Variants in FGD6 observed in about 807,000 individuals in gnomAD.
FGD6 encodes the protein FYVE, RhoGEF and PH domain-containing protein 6.
In FGD6, 90 loss-of-function variants were observed where a neutral mutation model predicts 149.4. The ratio of observed to expected loss-of-function variants is 0.60; its 90% CI spans 0.51 to 0.72. The LOEUF (loss-of-function observed/expected upper bound fraction) is 0.72. FGD6 is among the 30% of genes least tolerant of loss of function. FGD6 has a pLI of 0.00. For synonymous variants in FGD6, 527 were observed against 584.0 expected (o/e 0.90, Z 1.41); for missense variants, 1,437 against 1,684.8 (o/e 0.85, Z 2.57).
chr12:95,087,570 T>A (rs1184548265), intron 18 of FGD6, among the ~76,000 whole-genome samples: 1 of 152,200 alleles, frequency 6.6e-6, no homozygotes, highest in African/African-American at 2.4e-5. Flanking sequence ...AGCCTCTAGA[T>A]GAGAACTCAG....
intron 2 of FGD6, among the ~76,000 whole-genome samples, chr12:95,206,594 G>A (rs1323548768): frequency 2.6e-5 from 4 of 152,000 alleles, no homozygotes; most frequent in Admixed American, 2.0e-4. Context: ...GGAGGCTGAA[G>A]GTGGGTGGGG....
At chr12:95,205,515 A>C (rs952497663) in intron 2 of FGD6, among the ~76,000 whole-genome samples, 1 of 152,144 alleles carries the variant, frequency 6.6e-6, no homozygotes, top group Non-Finnish European at 1.5e-5. Context: ...TCTTAAACAG[A>C]GTTCATTTTC....
At chr12:95,152,125 A>T (rs1296597649) in intron 5 of FGD6, among the ~76,000 whole-genome samples, 1 of 152,236 alleles carries the variant, frequency 6.6e-6, no homozygotes, top group South Asian at 2.1e-4. Flanking sequence ...CATGAGTTTG[A>T]GATCAGCCCG....
chr12:95,140,759 T>C (rs1408077429), intron 6 of FGD6, among the ~76,000 whole-genome samples: 2 of 152,196 alleles, frequency 1.3e-5, no homozygotes, highest in Non-Finnish European at 2.9e-5. Context: ...CTAATGTGAA[T>C]ATAGCATATA....
At chr12:95,085,454 T>C in intron 19 of FGD6, 1 of 286,392 alleles carries the variant, frequency 3.5e-6, no homozygotes, top group Non-Finnish European at 6.4e-6. Flanking sequence ...CCACCCCCAC[T>C]CAGCCTCCCA....
At chr12:95,183,760 C>T (rs1024309693) in intron 2 of FGD6, among the ~76,000 whole-genome samples, 3 of 152,134 alleles carry the variant, frequency 2.0e-5, no homozygotes, top group African/African-American at 7.2e-5. Context: ...ATGGCTTGAA[C>T]CCACAAGTTT....
intron 8 of FGD6, among the ~76,000 whole-genome samples, chr12:95,118,324 G>A (rs963014492): frequency 2.0e-5 from 3 of 148,862 alleles, no homozygotes; most frequent in Non-Finnish European, 4.4e-5. Flanking sequence ...ACTCTAGTCT[G>A]GATGACAGAG....
At chr12:95,081,980 C>A (rs1232863803) in intron 20 of FGD6, among the ~76,000 whole-genome samples, 3 of 152,030 alleles carry the variant, frequency 2.0e-5, no homozygotes, top group Non-Finnish European at 4.4e-5. Flanking sequence ...CCAGTAAGAT[C>A]TTTTCTTGCA....
Position 95,210,078 on chromosome 12 carries a change from T to A in FGD6, c.1206A>T (p.Lys402Asn), listed in dbSNP as rs750681792. The change falls in exon 2 of 21, where the codon AAA becomes AAT. Residue 402 changes from lysine to asparagine, a missense_variant. Around this residue, in one of 2 missense-constraint regions of FGD6, gnomAD observed 1,055 missense variants for 1,146.0 expected, o/e 0.92. Transcript: ENST00000343958. The stretch of plus-strand genomic sequence containing the variant: ...AGGAAGTTGTTTCATTACACATGGC[T>A]TTCTGTGAATTGACTAAGTCCTGTG... Reference protein sequence around the residue: ...SDAQDLVNSQKAMCNETTSFE... With the variant: ...SDAQDLVNSQNAMCNETTSFE... The A allele has an allele frequency of 2.5e-6, 4 of 1,614,158 alleles. No individual in the cohort carries two copies. Among genetic ancestry groups the A allele is most frequent in the Non-Finnish European group, 3.4e-6 (4 of 1,180,032 alleles).
At chr12:95,088,333 T>C (rs1394214284) in intron 18 of FGD6, among the ~76,000 whole-genome samples, 8 of 152,024 alleles carry the variant, frequency 5.3e-5, no homozygotes, top group Non-Finnish European at 7.4e-5. Flanking sequence ...TTTACCATTA[T>C]ACAACTCATC....
rs1157581152 is a variant in FGD6 at position 95,153,944 on chromosome 12, TGTGAGTGAGAGA to T, written c.2587-963_2587-952del. Reference sequence around the variant, plus strand: ...GTGTGTGTGTGTGTGTGTGTGTGTGTGTGAGTGAGAGAGAGAAGAGACAGAGAGAGAGAGAGA... The same window carrying T: ...GTGTGTGTGTGTGTGTGTGTGTGTGTGAGAAGAGACAGAGAGAGAGAGAGA... On this transcript the variant is annotated intron_variant, in intron 3 of 20. Coordinates refer to ENST00000343958, the MANE Select transcript of FGD6 (RefSeq NM_018351.4). Among the ~76,000 whole-genome samples, 10 of 135,984 alleles carry T rather than the reference TGTGAGTGAGAGA, an allele frequency of 7.4e-5. No homozygotes were observed. In the East Asian group the frequency reaches 1.9e-3, roughly 26 times the overall value. The allele number at this position is 135,984 out of a possible 152,430, so 89.2% of individuals were successfully genotyped here.
At chr12:95,189,653 G>GAAAA (rs10582401) in intron 2 of FGD6, 1 of 124,096 alleles carries the variant, frequency 8.1e-6, no homozygotes, top group Non-Finnish European at 1.7e-5. Flanking sequence ...TGTTTCATAG[G>GAAAA]AAAAAAAAAA....
Position 95,210,213 on chromosome 12 carries a change from T to A in FGD6, c.1071A>T (p.Lys357Asn), listed in dbSNP as rs762496386. The A allele has an allele frequency of 6.2e-7, 1 of 1,614,088 alleles. No individual in the cohort carries two copies. Among genetic ancestry groups the A allele is most frequent in the East Asian group, 2.2e-5 (1 of 44,888 alleles). ...GATGCAGAACACTGATTTTATTGATTTTCAAACTATTTTCAGTAAGACAGG... is the reference window on the plus strand; with the variant it reads ...GATGCAGAACACTGATTTTATTGATATTCAAACTATTTTCAGTAAGACAGG... ...SSSCLTENSL[K>N]INKISVLHQN... Residue 357 changes from lysine (K) to asparagine (N), a missense_variant, in exon 2 of 21, where the codon AAA (lysine) becomes AAT (asparagine). Transcript: ENST00000343958.
chr12:95,217,091 G>A, intron 1 of FGD6, 134 bp downstream of exon 1: 2 of 1,381,556 alleles, frequency 1.4e-6, no homozygotes, highest in Non-Finnish European at 2.0e-6. Flanking sequence ...CATTAGCTCC[G>A]CGCTTGCCGA....
At chr12:95,190,510 T>G (rs1347700856) in intron 2 of FGD6, among the ~76,000 whole-genome samples, 1 of 152,198 alleles carries the variant, frequency 6.6e-6, no homozygotes, top group Non-Finnish European at 1.5e-5. Flanking sequence ...AAAGATTTTA[T>G]AGCTCTTAGG....
chr12:95,161,076 A>G (rs1191557694), intron 3 of FGD6, among the ~76,000 whole-genome samples: 1 of 151,756 alleles, frequency 6.6e-6, no homozygotes, highest in African/African-American at 2.4e-5. Context: ...GCTACTTGGG[A>G]GGCTGAGACA....
Position 95,210,885 on chromosome 12 carries a change from T to C in FGD6, c.399A>G (p.Leu133=), listed in dbSNP as rs1175807900. The C allele has an allele frequency of 1.9e-6, 3 of 1,612,990 alleles. No homozygotes were observed. Among genetic ancestry groups the C allele is most frequent in the Non-Finnish European group, 2.5e-6 (3 of 1,179,746 alleles). ...AATTTTCATTCATTTCCAGGGGCTC[T>C]AAAACAAGCTGCTTTACACACAAAT... is the stretch of plus-strand genomic sequence containing the variant. ...RENLCVKQLV[L]EPLEMNENLE... is the part of the protein sequence containing the mutation. The change falls in exon 2 of 21, where the codon TTA becomes TTG. Residue 133 remains leucine, a synonymous_variant. Coordinates refer to ENST00000343958, the MANE Select transcript of FGD6 (RefSeq NM_018351.4).
intron 2 of FGD6, among the ~76,000 whole-genome samples, chr12:95,184,586 T>G (rs1412719222): frequency 6.6e-6 from 1 of 151,584 alleles, no homozygotes; most frequent in Non-Finnish European, 1.5e-5. Flanking sequence ...TGCACGTTTT[T>G]TTTTTTTTTT....
rs2056718118 is a variant in FGD6, at chr12:95,210,248, T to C, written c.1036A>G (p.Ser346Gly). The change falls in exon 2 of 21, where the codon AGT (serine) becomes GGT (glycine). Residue 346 changes from serine to glycine, a missense_variant. Physicochemically the swap from Ser to Gly is moderately conservative, Grantham distance 56. Coordinates refer to ENST00000343958, the MANE Select transcript of FGD6 (RefSeq NM_018351.4). ...ESTEEPGNSD[S>G]SSSCLTENSL... The stretch of plus-strand genomic sequence containing the variant: ...TTTTCAGTAAGACAGGAAGAGCTAC[T>C]GTCTGAATTCCCCGGTTCTTCAGTG... 3 of 1,614,220 alleles carry C rather than the reference T, an allele frequency of 1.9e-6. No homozygotes were observed. The highest frequency in any genetic ancestry group is 2.5e-6 in the Non-Finnish European group (3 of 1,180,040).
Sources: gnomAD v4.1 joint callset for allele counts (sites outside exome capture counted in the v4.1 genomes callset) on GRCh38, gnomAD v4.1.1 for gene constraint, gnomAD v4.1.1 regional missense constraint, MANE v1.5 for transcripts, NCBI Gene and HGNC (gene_info 2026-07-23, HGNC 2026-07-21) for gene names.